Variants in MYO9A observed in about 807,000 individuals in gnomAD.
MYO9A encodes myosin IXA.
A neutral mutation model predicts 293.3 loss-of-function variants in MYO9A; 103 were observed. The observed-to-expected ratio is 0.35, with a 90% CI of 0.30 to 0.41. The LOEUF (loss-of-function observed/expected upper bound fraction) is 0.41. Among genes scored for constraint, MYO9A ranks in the 10% least tolerant of loss-of-function variants. MYO9A has a pLI of 1.00. For synonymous variants in MYO9A, 1,001 were observed against 1,035.7 expected (o/e 0.97, Z 0.64); for missense variants, 2,685 against 3,033.0 (o/e 0.89, Z 2.69).
intron 1 of MYO9A, among the ~76,000 whole-genome samples, chr15:72,080,062 T>G (rs915174671): frequency 6.6e-6 from 1 of 152,336 alleles, no homozygotes; most frequent in Admixed American, 6.5e-5. Context: ...CTACAAAGAC[T>G]GTATTTCCAT....
chr15:71,950,699 A>C (rs796928347), intron 15 of MYO9A, among the ~76,000 whole-genome samples: 19 of 152,344 alleles, frequency 1.2e-4, no homozygotes, highest in African/African-American at 4.3e-4. Flanking sequence ...TGTTTTAACC[A>C]AGACAGCAAT....
intron 9 of MYO9A, among the ~76,000 whole-genome samples, chr15:71,999,329 T>C (rs984781926): frequency 5.9e-5 from 9 of 151,984 alleles, no homozygotes; most frequent in Non-Finnish European, 1.0e-4. Flanking sequence ...AGTATACAGA[T>C]GGTATTTAAA....
rs2054420245 is a variant in MYO9A, at chr15:71,825,111, T to C, written c.*1469A>G. 6.6e-6 allele frequency: 1 copy of C among 152,206 alleles called. No individual in the cohort carries two copies. Among genetic ancestry groups the C allele is most frequent in the African/African-American group, 2.4e-5 (1 of 41,450 alleles). 9.4% of individuals were successfully genotyped at this position (152,206 alleles called of 1,614,324 possible). On this transcript the variant is annotated 3_prime_UTR_variant, in exon 42 of 42. Transcript: ENST00000356056. Reference sequence around the variant, plus strand: ...CACATACTTATCTCAAGAAAGGCTATCATGTTTCATTTTTTATATATTATA... The same window carrying C: ...CACATACTTATCTCAAGAAAGGCTACCATGTTTCATTTTTTATATATTATA...
chr15:71,926,231 GC>G (rs2058310560), intron 18 of MYO9A, among the ~76,000 whole-genome samples: 1 of 152,172 alleles, frequency 6.6e-6, no homozygotes, highest in Admixed American at 6.5e-5. Flanking sequence ...CACCAAGCAA[GC>G]CAGTCCTCTG....
intron 39 of MYO9A, among the ~76,000 whole-genome samples, chr15:71,840,087 C>T (rs559231635): frequency 3.3e-5 from 5 of 152,166 alleles, no homozygotes; most frequent in Non-Finnish European, 7.3e-5. Flanking sequence ...ATTGATAAAT[C>T]GCATCTGGAG....
At chr15:71,914,265 C>G (rs758391017) in intron 19 of MYO9A, among the ~76,000 whole-genome samples, 29 of 152,122 alleles carry the variant, frequency 1.9e-4, no homozygotes, top group Non-Finnish European at 3.5e-4. Flanking sequence ...TTTATTTCCC[C>G]TATTCTCAGA....
intron 33 of MYO9A, among the ~76,000 whole-genome samples, chr15:71,861,401 C>T (rs1274746645): frequency 1.6e-4 from 24 of 150,360 alleles, no homozygotes; most frequent in Admixed American, 1.6e-3. Context: ...CCAAGTTGAT[C>T]TACAAAGAAT....
At chr15:72,067,159 CTAATA>C in intron 1 of MYO9A, among the ~76,000 whole-genome samples, 1 of 147,630 alleles carries the variant, frequency 6.8e-6, no homozygotes, top group South Asian at 2.1e-4. Context: ...ATATTATAAT[CTAATA>C]TACTTATTAA....
chr15:72,096,160 C>CAA (rs990440272), intron 1 of MYO9A, among the ~76,000 whole-genome samples: 8 of 61,462 alleles, frequency 1.3e-4, no homozygotes, highest in East Asian at 4.6e-4. Flanking sequence ...GAGACTGTCT[C>CAA]AAAAAAAAAA....
chr15:71,890,941 G>C (rs2057158458), intron 26 of MYO9A: 1 of 152,064 alleles, frequency 6.6e-6, no homozygotes, highest in Non-Finnish European at 1.5e-5. Flanking sequence ...AATACTGTGA[G>C]ATTGTAGTAG....
At chr15:72,027,893 A>G in intron 3 of MYO9A, 100 bp from the exon 4 acceptor site, 1 of 872,396 alleles carries the variant, frequency 1.1e-6, no homozygotes, top group South Asian at 1.7e-5. Flanking sequence ...TACTATCCAG[A>G]TCATTTCAAA....
intron 1 of MYO9A, among the ~76,000 whole-genome samples, chr15:72,087,860 T>C (rs1239972616): frequency 6.6e-6 from 1 of 152,240 alleles, no homozygotes; most frequent in Admixed American, 6.5e-5. Context: ...CGTTATGTAC[T>C]GAACTGTGCT....
chr15:71,851,009 A>G (rs1025888418), intron 37 of MYO9A, among the ~76,000 whole-genome samples: 1 of 152,082 alleles, frequency 6.6e-6, no homozygotes, highest in Non-Finnish European at 1.5e-5. Flanking sequence ...TAAACTACAC[A>G]CTGCCACCAT....
At chr15:71,945,465 A>G (rs1218059245) in intron 15 of MYO9A, among the ~76,000 whole-genome samples, 1 of 152,172 alleles carries the variant, frequency 6.6e-6, no homozygotes, top group East Asian at 1.9e-4. Context: ...CTCTTGTAAA[A>G]TATAGGAGAG....
At chr15:71,925,875 T>G (rs1265522508) in intron 18 of MYO9A, among the ~76,000 whole-genome samples, 1 of 152,214 alleles carries the variant, frequency 6.6e-6, no homozygotes, top group Non-Finnish European at 1.5e-5. Flanking sequence ...CAGTTCTAAA[T>G]TGGATTCTGA....
intron 25 of MYO9A, 29 bp from the exon 26 acceptor site, chr15:71,893,807 C>T: frequency 6.4e-7 from 1 of 1,565,100 alleles, no homozygotes; most frequent in Non-Finnish European, 8.8e-7. Context: ...AATTACATTT[C>T]AGTTCTTAGC....
At position 71,898,232 on chromosome 15, in the gene MYO9A, G is replaced by A. The variant is rs774915090; in HGVS notation, c.4271C>T (p.Pro1424Leu). ...SNSLPTFFYI[P>L]QQDPLKTNSQ... Reference sequence around the variant, plus strand: ...ATTTGTTTTCAGTGGGTCTTGTTGGGGGATATAAAAAAAAGTAGGTAGACT... The same window carrying A: ...ATTTGTTTTCAGTGGGTCTTGTTGGAGGATATAAAAAAAAGTAGGTAGACT... Residue 1424 changes from proline (P) to leucine (L), a missense_variant, in exon 25 of 42, where the codon CCC becomes CTC. Around this residue, in one of 10 missense-constraint regions of MYO9A, gnomAD observed 1,434 missense variants for 1,497.7 expected, o/e 0.96. Transcript: ENST00000356056. 1.2e-5 allele frequency: 20 copies of A among 1,613,750 alleles called. 1 individual carries two copies. In the South Asian group the frequency reaches 2.2e-4, roughly 18 times the overall value.
At chr15:72,101,132 C>T (rs1318480094) in intron 1 of MYO9A, among the ~76,000 whole-genome samples, 2 of 144,720 alleles carry the variant, frequency 1.4e-5, no homozygotes, top group African/African-American at 2.5e-5. Context: ...ATCAGCCTCC[C>T]GCCCGGCCAG....
chr15:71,861,901 C>T (rs1426305591), intron 33 of MYO9A, among the ~76,000 whole-genome samples: 3 of 152,058 alleles, frequency 2.0e-5, no homozygotes, highest in Non-Finnish European at 4.4e-5. Context: ...TAGGCCAAGG[C>T]GGGAGGATCA....
Sources: gnomAD v4.1 joint callset for allele counts (sites outside exome capture counted in the v4.1 genomes callset) on GRCh38, gnomAD v4.1.1 for gene constraint, gnomAD v4.1.1 regional missense constraint, MANE v1.5 for transcripts, NCBI Gene and HGNC (gene_info 2026-07-23, HGNC 2026-07-21) for gene names.